The following LOC128462377 variants were observed in gnomAD, a reference collection of about 807,000 sequenced individuals.
the LOC128462377 span, among the ~76,000 whole-genome samples, chr16:89,364,532 G>A: frequency 2.4e-3 from 371 of 152,264 alleles, 2 homozygotes; most frequent in African/African-American, 8.4e-3. Flanking sequence ...CCTCAAAACA[G>A]CGCTGAGCAC....
chr16:89,409,630 A>G, the LOC128462377 span, among the ~76,000 whole-genome samples: 2 of 152,218 alleles, frequency 1.3e-5, no homozygotes, highest in Non-Finnish European at 1.5e-5. Flanking sequence ...TCTGAGCAAC[A>G]TAGCAAGATC....
the LOC128462377 span, among the ~76,000 whole-genome samples, chr16:89,374,757 TC>T: frequency 6.6e-6 from 1 of 152,242 alleles, no homozygotes; most frequent in Non-Finnish European, 1.5e-5. Context: ...GCTGAAGAAC[TC>T]CATGATGAAC....
the LOC128462377 span, among the ~76,000 whole-genome samples, chr16:89,367,152 G>A: frequency 6.6e-6 from 1 of 152,158 alleles, no homozygotes; most frequent in Non-Finnish European, 1.5e-5. Context: ...CATCGGTGAG[G>A]AAGAGCAGGC....
chr16:89,407,006 G>C, the LOC128462377 span, among the ~76,000 whole-genome samples: 16 of 152,026 alleles, frequency 1.1e-4, no homozygotes, highest in Non-Finnish European at 2.4e-4. Context: ...ACAATATGGT[G>C]AAACCCTGTC....
the LOC128462377 span, among the ~76,000 whole-genome samples, chr16:89,355,046 C>T: frequency 6.6e-6 from 1 of 151,502 alleles, no homozygotes; most frequent in South Asian, 2.1e-4. Context: ...AACGCCAGAA[C>T]AACATGTTTG....
At chr16:89,375,012 G>T in the LOC128462377 span, among the ~76,000 whole-genome samples, 6 of 151,998 alleles carry the variant, frequency 3.9e-5, no homozygotes, top group African/African-American at 1.5e-4. Flanking sequence ...ACTATACACA[G>T]ATTATAAAAA....
the LOC128462377 span, among the ~76,000 whole-genome samples, chr16:89,386,593 G>GT: frequency 6.6e-6 from 1 of 152,188 alleles, no homozygotes; most frequent in Admixed American, 6.5e-5. Context: ...GGGGAGGAGT[G>GT]TATCCAAAAG....
At chr16:89,368,608 T>TAAA in the LOC128462377 span, among the ~76,000 whole-genome samples, 4 of 131,662 alleles carry the variant, frequency 3.0e-5, no homozygotes, top group Admixed American at 7.7e-5. Context: ...ACGCAGCTCT[T>TAAA]AAAAAAAAAA....
the LOC128462377 span, among the ~76,000 whole-genome samples, chr16:89,414,312 C>T: frequency 6.6e-6 from 1 of 152,076 alleles, no homozygotes; most frequent in Non-Finnish European, 1.5e-5. Flanking sequence ...TTTGAAAGTC[C>T]CATTTCACAG....
chr16:89,322,501 G>C, the LOC128462377 span, among the ~76,000 whole-genome samples: 2 of 152,230 alleles, frequency 1.3e-5, no homozygotes, highest in African/African-American at 2.4e-5. Context: ...CGTGGCCTCA[G>C]AGGCCCAGGA....
At chr16:89,393,490 CTT>C in the LOC128462377 span, among the ~76,000 whole-genome samples, 2,638 of 117,070 alleles carry the variant, frequency 0.023, 35 homozygotes, top group Middle Eastern at 0.05. Context: ...TATCCAGCTG[CTT>C]TTTTTTTTTT....
chr16:89,363,696 C>A, the LOC128462377 span, among the ~76,000 whole-genome samples: 1 of 152,090 alleles, frequency 6.6e-6, no homozygotes, highest in Admixed American at 6.5e-5. Flanking sequence ...TGGCCCAGGC[C>A]CCTGTGAAAC....
At chr16:89,371,152 C>T in the LOC128462377 span, among the ~76,000 whole-genome samples, 80,932 of 151,880 alleles carry the variant, frequency 0.53, 22,705 homozygotes, top group East Asian at 0.72. Context: ...TCAGGGTGCA[C>T]GTAAGTGGCT....
chr16:89,393,785 G>A, the LOC128462377 span, among the ~76,000 whole-genome samples: 4 of 152,164 alleles, frequency 2.6e-5, no homozygotes, highest in African/African-American at 9.7e-5. Context: ...GCAGAGCTCT[G>A]CATGGCATCT....
the LOC128462377 span, among the ~76,000 whole-genome samples, chr16:89,357,879 A>C: frequency 2.0e-5 from 3 of 152,238 alleles, no homozygotes; most frequent in South Asian, 6.2e-4. Context: ...TTCTGGGGAC[A>C]CCTTTCCTTT....
chr16:89,375,610 C>T, the LOC128462377 span, among the ~76,000 whole-genome samples: 8 of 152,008 alleles, frequency 5.3e-5, no homozygotes, highest in East Asian at 7.8e-4. Context: ...CCCGCCACCA[C>T]GCCCAGTTAA....
chr16:89,409,475 A>T, the LOC128462377 span, among the ~76,000 whole-genome samples: 1 of 152,194 alleles, frequency 6.6e-6, no homozygotes, highest in East Asian at 1.9e-4. Flanking sequence ...ACAGCATAAA[A>T]ACATACAGGT....
the LOC128462377 span, among the ~76,000 whole-genome samples, chr16:89,398,977 CCATCAGCAT>C: frequency 6.6e-6 from 1 of 152,176 alleles, no homozygotes; most frequent in Non-Finnish European, 1.5e-5. Flanking sequence ...TCCCTCTCTC[CCATCAGCAT>C]CATCAGTTTT....
At chr16:89,381,049 G>A in the LOC128462377 span, among the ~76,000 whole-genome samples, 4 of 152,308 alleles carry the variant, frequency 2.6e-5, no homozygotes, top group South Asian at 2.1e-4. Context: ...GCGGCTGGGC[G>A]AGGTGGCTCA....
Sources: allele counts gnomAD v4.1 joint callset (sites outside exome capture counted in the v4.1 genomes callset), GRCh38; gene constraint gnomAD v4.1.1; transcripts MANE v1.5.